The following IL5RA variants were observed in gnomAD, a reference collection of about 807,000 sequenced individuals.
The protein encoded by IL5RA is interleukin 5 receptor subunit alpha.
IL5RA carries 49 observed loss-of-function variants against 50.0 expected under a neutral mutation model. The ratio of observed to expected loss-of-function variants is 0.98; its 90% CI spans 0.78 to 1.24. IL5RA has a LOEUF of 1.24. Ranked by LOEUF, IL5RA falls within the 50% of genes most tolerant of loss-of-function variation. The pLI is 0.00. For synonymous variants in IL5RA, 202 were observed against 174.0 expected (o/e 1.16, Z -1.26); for missense variants, 600 against 500.4 (o/e 1.20, Z -1.90).
chr3:3,100,113 G>T (rs573000451), intron 5 of IL5RA, among the ~76,000 whole-genome samples: 6 of 152,326 alleles, frequency 3.9e-5, no homozygotes, highest in Non-Finnish European at 8.8e-5. Context: ...CACTGGCCTT[G>T]TTGGTGGTTG....
intron 5 of IL5RA, among the ~76,000 whole-genome samples, chr3:3,100,924 A>T (rs754182194): frequency 5.3e-5 from 8 of 151,568 alleles, no homozygotes; most frequent in Non-Finnish European, 1.0e-4. Flanking sequence ...AGGCGGGTGG[A>T]TGGCTGGAGG....
chr3:3,089,646 C>CTT (rs200006367), intron 9 of IL5RA, among the ~76,000 whole-genome samples: 2,035 of 145,858 alleles, frequency 0.014, 51 homozygotes, highest in African/African-American at 0.048. Context: ...ACCAAGATGT[C>CTT]TTTTTTTTTT....
At chr3:3,085,761 A>G (rs946764196) in intron 9 of IL5RA, among the ~76,000 whole-genome samples, 6 of 151,886 alleles carry the variant, frequency 4.0e-5, no homozygotes, top group Non-Finnish European at 8.8e-5. Flanking sequence ...ACCTCAACCC[A>G]TTTTCCTTAA....
intron 9 of IL5RA, among the ~76,000 whole-genome samples, chr3:3,084,329 T>C (rs1362977111): frequency 1.3e-5 from 2 of 152,204 alleles, no homozygotes; most frequent in African/African-American, 2.4e-5. Context: ...ATTGGAGTGC[T>C]ATCAGAATTC....
At chr3:3,108,338 T>C (rs334785) in intron 2 of IL5RA, among the ~76,000 whole-genome samples, 7,707 of 152,270 alleles carry the variant, frequency 0.051, 371 homozygotes, top group Admixed American at 0.14. Flanking sequence ...TTTGATTAAA[T>C]TTCTGAAATA....
chr3:3,081,120 T>G (rs1213042968), intron 9 of IL5RA, among the ~76,000 whole-genome samples: 1 of 152,240 alleles, frequency 6.6e-6, no homozygotes, highest in Non-Finnish European at 1.5e-5. Context: ...GGCAAAGCTT[T>G]TGTCTTCCTA....
chr3:3,088,828 A>G (rs1702976943), intron 9 of IL5RA, among the ~76,000 whole-genome samples: 1 of 152,234 alleles, frequency 6.6e-6, no homozygotes, highest in African/African-American at 2.4e-5. Context: ...TGAGCCAGTG[A>G]GTTTTGTGCC....
intron 9 of IL5RA, among the ~76,000 whole-genome samples, chr3:3,087,256 G>C (rs1316599586): frequency 6.6e-6 from 1 of 152,136 alleles, no homozygotes; most frequent in African/African-American, 2.4e-5. Flanking sequence ...TCCATGCTCT[G>C]GAAATTCTAG....
chr3:3,070,419 A>G, intron 11 of IL5RA, 108 bp from the exon 12 acceptor site: 2 of 676,096 alleles, frequency 3.0e-6, no homozygotes, highest in South Asian at 1.9e-5. Context: ...AAAATAGTAA[A>G]TGTTCACAAA....
At chr3:3,103,396 G>C (rs928943450) in intron 3 of IL5RA, among the ~76,000 whole-genome samples, 2 of 152,170 alleles carry the variant, frequency 1.3e-5, no homozygotes, top group African/African-American at 4.8e-5. Flanking sequence ...TTTTAGTAAT[G>C]TGGAAGAAAA....
chr3:3,068,695 G>T lies in IL5RA; in HGVS notation c.*1530C>A, dbSNP rs1702204574. 6.6e-6 allele frequency: 1 copy of T among 151,572 alleles called. No individual in the cohort carries two copies. Among genetic ancestry groups the T allele is most frequent in the South Asian group, 2.1e-4 (1 of 4,802 alleles). 9.4% of individuals were successfully genotyped at this position (151,572 alleles called of 1,614,324 possible). A position where few individuals can be genotyped will look rare whatever the true frequency, so the allele number is the denominator to read the frequency against. On this transcript the variant is annotated 3_prime_UTR_variant, in exon 12 of 12. Coordinates refer to ENST00000446632, the MANE Select transcript of IL5RA (RefSeq NM_175726.4). ...CTATTGCAGCACCTCCATGGGTGTT[G>T]CCTTCTCAGCCACACCCCTAAGCAG... is the stretch of plus-strand genomic sequence containing the variant.
chr3:3,068,602 A>AC lies in IL5RA; in HGVS notation c.*1622_*1623insG, dbSNP rs1559856746. On this transcript the variant is annotated 3_prime_UTR_variant, in exon 12 of 12. Coordinates refer to ENST00000446632, the MANE Select transcript of IL5RA (RefSeq NM_175726.4). Reference sequence around the variant, plus strand: ...ACCCACCCCACAAAAAAAAAAAAAAAAAAAAACAAAAACAGGTTTGAGATT... The same window carrying AC: ...ACCCACCCCACAAAAAAAAAAAAAAACAAAAAACAAAAACAGGTTTGAGATT... 1.1e-5 allele frequency: 1 copy of AC among 94,530 alleles called. No homozygotes were observed. Among genetic ancestry groups the AC allele is most frequent in the East Asian group, 2.8e-4 (1 of 3,596 alleles). The allele number at this position is 94,530 out of a possible 1,614,324, so 5.9% of individuals were successfully genotyped here. A position where few individuals can be genotyped will look rare whatever the true frequency, so the allele number is the denominator to read the frequency against.
At chr3:3,102,009 T>A (rs1451362633) in intron 4 of IL5RA, among the ~76,000 whole-genome samples, 179 bp from the exon 5 acceptor site, 2 of 152,220 alleles carry the variant, frequency 1.3e-5, no homozygotes, top group Admixed American at 1.3e-4. Context: ...AATTTCTCAA[T>A]GACACATGAA....
intron 3 of IL5RA, among the ~76,000 whole-genome samples, chr3:3,103,487 A>T (rs941546520): frequency 3.3e-5 from 5 of 152,232 alleles, no homozygotes; most frequent in African/African-American, 1.2e-4. Context: ...AAAGGTAGTT[A>T]TATATTTGTA....
At chr3:3,081,557 A>G (rs1300611047) in intron 9 of IL5RA, among the ~76,000 whole-genome samples, 3 of 152,238 alleles carry the variant, frequency 2.0e-5, no homozygotes, top group Non-Finnish European at 4.4e-5. Flanking sequence ...TCACACTGTC[A>G]GTCACATTTG....
chr3:3,090,508 A>C (rs758534712), intron 9 of IL5RA, among the ~76,000 whole-genome samples: 7 of 151,280 alleles, frequency 4.6e-5, no homozygotes, highest in Non-Finnish European at 1.0e-4. Context: ...GACTTGCCGG[A>C]AACACCTGGA....
intron 11 of IL5RA, among the ~76,000 whole-genome samples, chr3:3,070,887 A>C (rs965747651): frequency 1.3e-5 from 2 of 152,002 alleles, no homozygotes; most frequent in Non-Finnish European, 2.9e-5. Flanking sequence ...GGCCGGATAC[A>C]CATCTTTAAA....
intron 5 of IL5RA, among the ~76,000 whole-genome samples, chr3:3,100,862 T>C (rs1323449731): frequency 6.6e-6 from 1 of 151,858 alleles, no homozygotes; most frequent in Non-Finnish European, 1.5e-5. Flanking sequence ...AACAAGTAAA[T>C]GGGGCCGGAC....
intron 9 of IL5RA, among the ~76,000 whole-genome samples, chr3:3,080,366 A>C (rs1174836684): frequency 1.3e-5 from 2 of 152,176 alleles, no homozygotes; most frequent in African/African-American, 4.8e-5. Context: ...CGGAAGCCCA[A>C]CCAGTCCGTG....
Sources: allele counts gnomAD v4.1 joint callset (sites outside exome capture counted in the v4.1 genomes callset), GRCh38; gene constraint gnomAD v4.1.1; transcripts MANE v1.5; gene names NCBI Gene and HGNC (gene_info 2026-07-23, HGNC 2026-07-21).